The following CTDP1 variants were observed in gnomAD, a reference collection of about 807,000 sequenced individuals.
The protein encoded by CTDP1 is CTD phosphatase 1, also known as RNA polymerase II subunit A C-terminal domain phosphatase.
In CTDP1, 47 loss-of-function variants were observed where a neutral mutation model predicts 91.8. The ratio of observed to expected loss-of-function variants is 0.51; its 90% CI spans 0.41 to 0.65. The LOEUF (loss-of-function observed/expected upper bound fraction) is 0.65. Among genes scored for constraint, CTDP1 ranks in the 30% least tolerant of loss-of-function variants. CTDP1 has a pLI of 0.00. For missense variants in CTDP1, 1,272 were observed against 1,373.7 expected (o/e 0.93, Z 1.17); for synonymous variants, 656 against 598.5 (o/e 1.10, Z -1.40).
intron 11 of CTDP1, among the ~76,000 whole-genome samples, chr18:79,733,661 T>C (rs1568211254): frequency 6.6e-6 from 1 of 152,204 alleles, no homozygotes; most frequent in East Asian, 1.9e-4. Context: ...TTACCTCGTT[T>C]CAGCCTGTTC....
chr18:79,750,907 A>G (rs2086983856), intron 12 of CTDP1, among the ~76,000 whole-genome samples: 1 of 148,426 alleles, frequency 6.7e-6, no homozygotes. Flanking sequence ...GGCAGTTCCC[A>G]TCTTACAGAG....
At chr18:79,731,297 A>C (rs1599289286) in intron 11 of CTDP1, among the ~76,000 whole-genome samples, 1 of 152,292 alleles carries the variant, frequency 6.6e-6, no homozygotes. Context: ...TCAGTGTGTT[A>C]GGTGGGCATT....
At chr18:79,718,165 C>T (rs182028178) in intron 10 of CTDP1, 149 bp downstream of exon 10, 14 of 925,156 alleles carry the variant, frequency 1.5e-5, no homozygotes, top group African/African-American at 9.8e-5. Context: ...GTGGGAGCGC[C>T]GCCCCCGCTT....
chr18:79,735,188 G>A (rs1189623516), intron 11 of CTDP1, among the ~76,000 whole-genome samples: 1 of 152,164 alleles, frequency 6.6e-6, no homozygotes, highest in Non-Finnish European at 1.5e-5. Context: ...CGGGAGTTGT[G>A]CTCCGTCCTC....
At chr18:79,729,204 T>C (rs1599285285) in intron 11 of CTDP1, 135 bp downstream of exon 11, 9 of 1,157,724 alleles carry the variant, frequency 7.8e-6, no homozygotes, top group Non-Finnish European at 1.1e-5. Context: ...TTGTGTCTGG[T>C]TTGGGACGAG....
chr18:79,747,217 G>T (rs562230574), intron 12 of CTDP1, among the ~76,000 whole-genome samples: 7 of 152,202 alleles, frequency 4.6e-5, no homozygotes, highest in African/African-American at 1.4e-4. Flanking sequence ...GCAGGCTCTC[G>T]GAGGGGAGGG....
At chr18:79,676,983 G>A (rs916496783), upstream of CTDP1, among the ~76,000 whole-genome samples, 2 of 152,188 alleles carry the variant, frequency 1.3e-5, no homozygotes, top group African/African-American at 2.4e-5. Context: ...AATCACCTAG[G>A]GATGTCTACA....
Position 79,731,664 on chromosome 18 carries a change from T to C in CTDP1, c.2580+2595T>C, listed in dbSNP as rs140322109. Among the ~76,000 whole-genome samples, 360 of 152,360 alleles carry C rather than the reference T, an allele frequency of 2.4e-3. 1 individual carries two copies. Among genetic ancestry groups the C allele is most frequent in the Non-Finnish European group, 3.8e-3 (258 of 68,022 alleles). On this transcript the variant is annotated intron_variant, in intron 11 of 12. Coordinates refer to ENST00000613122, the MANE Select transcript of CTDP1 (RefSeq NM_004715.5). ...GAACATGCCTAAGCAGAGCGAGGCATGGCGTCAGTAAGCGTTCACCTGCAA... is the reference window on the plus strand; with the variant it reads ...GAACATGCCTAAGCAGAGCGAGGCACGGCGTCAGTAAGCGTTCACCTGCAA...
chr18:79,679,104 G>A (rs1285263722), upstream of CTDP1: 2 of 286,512 alleles, frequency 7.0e-6, no homozygotes, highest in Admixed American at 4.9e-5. Context: ...ACGCGCCGGT[G>A]CCCGCCCTCC....
intron 3 of CTDP1, among the ~76,000 whole-genome samples, chr18:79,696,786 G>A (rs2085757884): frequency 6.6e-6 from 1 of 152,176 alleles, no homozygotes; most frequent in African/African-American, 2.4e-5. Flanking sequence ...AGGAGTTGCT[G>A]GGGCACTGTG....
rs539752897 is a variant in CTDP1 at position 79,726,613 on chromosome 18, T to G, written c.2418-2294T>G. On this transcript the variant is annotated intron_variant, in intron 10 of 12. Coordinates refer to ENST00000613122, the MANE Select transcript of CTDP1 (RefSeq NM_004715.5). ...TCTCCCATCACTGATTTTTTTTTTTTGGGCCATGCTCCAGCAGCAGGAGTG... is the reference window on the plus strand; with the variant it reads ...TCTCCCATCACTGATTTTTTTTTTTGGGGCCATGCTCCAGCAGCAGGAGTG... 8.4e-3 allele frequency among the ~76,000 whole-genome samples: 1,193 copies of G among 141,300 alleles called. 9 individuals are homozygous for G. The highest frequency in any genetic ancestry group is 0.028 in the African/African-American group (1,085 of 38,996). The allele number at this position is 141,300 out of a possible 152,430, so 92.7% of individuals were successfully genotyped here. A position where few individuals can be genotyped will look rare whatever the true frequency, so the allele number is the denominator to read the frequency against.
At chr18:79,677,124 G>A (rs2085265240), upstream of CTDP1, among the ~76,000 whole-genome samples, 1 of 152,210 alleles carries the variant, frequency 6.6e-6, no homozygotes, top group African/African-American at 2.4e-5. Flanking sequence ...GGTGGGAACA[G>A]GTTCAAATAG....
Position 79,697,893 on chromosome 18 carries a change from C to T in CTDP1, c.526C>T (p.Arg176Ter), listed in dbSNP as rs1448851546. ...ACAGCTGGGAAGAGAAGACCAGCAG[C>T]GACTGCACCGAAACCGGAAGCTGGT... ...AEQLGREDQQ[R>*]LHRNRKLVLM... The change falls in exon 4 of 13, where the codon CGA becomes TGA. Residue 176 changes from arginine (R) to a stop codon, truncating the protein, a stop_gained. Transcript: ENST00000613122. LOFTEE classifies it high-confidence loss of function. 33 of 1,614,102 alleles carry T rather than the reference C, an allele frequency of 2.0e-5. No homozygotes were observed. The highest frequency in any genetic ancestry group is 2.6e-5 in the Non-Finnish European group (31 of 1,180,044).
At chr18:79,716,091 C>G (rs1385398061) in intron 8 of CTDP1, among the ~76,000 whole-genome samples, 1 of 152,186 alleles carries the variant, frequency 6.6e-6, no homozygotes, top group Non-Finnish European at 1.5e-5. Context: ...AGACTTAACA[C>G]CCCGGTGCTT....
intron 11 of CTDP1, among the ~76,000 whole-genome samples, chr18:79,733,034 G>T (rs1466578286): frequency 2.0e-5 from 3 of 152,232 alleles, no homozygotes; most frequent in African/African-American, 7.2e-5. Context: ...CACAGTCCCT[G>T]AGTCTCCTCG....
In CTDP1 at chr18:79,714,877, G is replaced by A. The variant is rs781594932; in HGVS notation, c.1417G>A (p.Ala473Thr). Residue 473 changes from alanine to threonine, a missense_variant, in exon 8 of 13, where the codon GCC (alanine) becomes ACC (threonine). Ala to Thr is a moderately conservative substitution (Grantham distance 58). Around this residue, in one of 3 missense-constraint regions of CTDP1, gnomAD observed 881 missense variants for 911.6 expected, o/e 0.97. Transcript: ENST00000613122. ...ESEGTKSSSSASDGESEGKRG... is the reference protein window; with the variant it reads ...ESEGTKSSSSTSDGESEGKRG... ...CGAGGGCACGAAGTCCTCCTCCTCC[G>A]CCTCTGATGGCGAAAGCGAGGGGAA... is the stretch of plus-strand genomic sequence containing the variant. 2.5e-5 allele frequency: 39 copies of A among 1,579,868 alleles called. No homozygotes were observed. Among genetic ancestry groups the A allele is most frequent in the South Asian group, 1.4e-4 (12 of 86,810 alleles).
intron 10 of CTDP1, among the ~76,000 whole-genome samples, chr18:79,723,413 G>A (rs1194030290): frequency 6.6e-6 from 1 of 152,206 alleles, no homozygotes; most frequent in Non-Finnish European, 1.5e-5. Flanking sequence ...ACCCCATTGT[G>A]ACAGGACGCT....
intron 3 of CTDP1, among the ~76,000 whole-genome samples, chr18:79,696,728 G>A (rs2085756867): frequency 6.6e-6 from 1 of 152,184 alleles, no homozygotes; most frequent in Non-Finnish European, 1.5e-5. Flanking sequence ...CCAGTTAAGA[G>A]TGAGATGGGT....
At chr18:79,685,936 G>A (rs1186620386) in intron 1 of CTDP1, among the ~76,000 whole-genome samples, 1 of 152,264 alleles carries the variant, frequency 6.6e-6, no homozygotes, top group South Asian at 2.1e-4. Flanking sequence ...CTATTTAAAG[G>A]ATGATACTTT....
Sources: gnomAD v4.1 joint callset for allele counts (sites outside exome capture counted in the v4.1 genomes callset) on GRCh38, gnomAD v4.1.1 for gene constraint, gnomAD v4.1.1 regional missense constraint, MANE v1.5 for transcripts, NCBI Gene and HGNC (gene_info 2026-07-23, HGNC 2026-07-21) for gene names.